ARHGEF7: variants seen among roughly 807,000 people sequenced by gnomAD.
The protein encoded by ARHGEF7 is PAK-interacting exchange factor beta.
Under a neutral mutation model 109.8 loss-of-function variants are expected in ARHGEF7, and 33 were observed. The ratio of observed to expected loss-of-function variants is 0.30; its 90% CI spans 0.23 to 0.40. ARHGEF7 has a LOEUF of 0.40. Ranked by LOEUF, ARHGEF7 falls within the 10% of genes least tolerant of loss-of-function variation. The probability of loss-of-function intolerance (pLI) is 1.00; values close to 1 mark genes in which losing one functional copy is unlikely to be tolerated. For missense variants in ARHGEF7, 938 were observed against 1,098.5 expected (o/e 0.85, Z 2.07); for synonymous variants, 458 against 424.6 (o/e 1.08, Z -0.97).
rs947993582 is a variant in ARHGEF7 at position 111,292,107 on chromosome 13, G to T, written c.2135-11G>T. The T allele has an allele frequency of 6.2e-7, 1 of 1,609,078 alleles. No homozygotes were observed. Among genetic ancestry groups the T allele is most frequent in the Admixed American group, 1.7e-5 (1 of 59,868 alleles). On this transcript the variant is annotated splice_polypyrimidine_tract_variant and intron_variant, in intron 18 of 21. Coordinates refer to ENST00000646102, the MANE Select transcript of ARHGEF7 (RefSeq NM_001354046.2). ...GCCTGTCGCGCCTGTCCCTCCGCCCGCCCGTCTTAGCATGGCAAGGCACTG... is the reference window on the plus strand; with the variant it reads ...GCCTGTCGCGCCTGTCCCTCCGCCCTCCCGTCTTAGCATGGCAAGGCACTG...
At chr13:111,230,079 G>T (rs1310677995) in intron 5 of ARHGEF7, among the ~76,000 whole-genome samples, 1 of 152,158 alleles carries the variant, frequency 6.6e-6, no homozygotes, top group South Asian at 2.1e-4. Context: ...CCTAGTGAGA[G>T]GGTTTCCTCT....
rs184079630 is a variant in ARHGEF7, at chr13:111,304,773, A to C, written c.*1660A>C. On this transcript the variant is annotated 3_prime_UTR_variant, in exon 22 of 22. Coordinates refer to ENST00000646102, the MANE Select transcript of ARHGEF7 (RefSeq NM_001354046.2). The stretch of plus-strand genomic sequence containing the variant: ...GCCCCATGCTGCAGAACCTGGCCTC[A>C]CCTGGACTTTTCACTAGAATTGCCA... 6.6e-6 allele frequency: 1 copy of C among 152,282 alleles called. No individual in the cohort carries two copies. The highest frequency in any genetic ancestry group is 2.4e-5 in the African/African-American group (1 of 41,466). The allele number at this position is 152,282 out of a possible 1,614,324, so 9.4% of individuals were successfully genotyped here. A position where few individuals can be genotyped will look rare whatever the true frequency, so the allele number is the denominator to read the frequency against.
At chr13:111,233,886 T>C (rs2086434482) in intron 6 of ARHGEF7, among the ~76,000 whole-genome samples, 1 of 152,228 alleles carries the variant, frequency 6.6e-6, no homozygotes, top group Non-Finnish European at 1.5e-5. Context: ...ATGTATAGTC[T>C]CATGGTACTA....
At chr13:111,162,331 C>T (rs953175237) in intron 2 of ARHGEF7, among the ~76,000 whole-genome samples, 14 of 152,296 alleles carry the variant, frequency 9.2e-5, no homozygotes, top group Admixed American at 8.5e-4. Flanking sequence ...ACATTTCCTG[C>T]ATTGGACTTT....
In ARHGEF7 at chr13:111,277,589, A is replaced by C; in HGVS notation, c.1422A>C (p.Glu474Asp). 6.3e-7 allele frequency: 1 copy of C among 1,590,874 alleles called. No homozygotes were observed. The highest frequency in any genetic ancestry group is 8.6e-7 in the Non-Finnish European group (1 of 1,160,776). Reference sequence around the variant, plus strand: ...TTGGATTTCTTTTTTTGTATTAGGAAAAGAATGAAAGATATCTTCTACTCT... The same window carrying C: ...TTGGATTTCTTTTTTTGTATTAGGACAAGAATGAAAGATATCTTCTACTCT... The part of the protein sequence containing the change: ...QVLIQCAGSE[E>D]KNERYLLLFP... The change falls in exon 13 of 22, where the codon GAA (glutamate) becomes GAC (aspartate). Residue 474 changes from glutamate (E) to aspartate (D), a missense_variant and splice_region_variant. Glu to Asp is a conservative substitution (Grantham distance 45). Transcript: ENST00000646102.
rs1229524492 is a variant in ARHGEF7 at position 111,153,930 on chromosome 13, G to A, written c.191G>A (p.Ser64Asn). The change falls in exon 2 of 22, where the codon AGC becomes AAC. Residue 64 changes from serine to asparagine, a missense_variant. This residue lies in a region of ARHGEF7 where 165 missense variants were observed against 125.8 expected (regional missense o/e 1.31). Coordinates refer to ENST00000646102, the MANE Select transcript of ARHGEF7 (RefSeq NM_001354046.2). ...GTCTACCCCGAGCCCCGGAGCGAGAGCGAGTGCCTGAGCAACATCCGCGAG... is the reference window on the plus strand; with the variant it reads ...GTCTACCCCGAGCCCCGGAGCGAGAACGAGTGCCTGAGCAACATCCGCGAG... ...EKVYPEPRSE[S>N]ECLSNIREFL... The A allele has an allele frequency of 6.2e-7, 1 of 1,605,706 alleles. No individual in the cohort carries two copies. Among genetic ancestry groups the A allele is most frequent in the East Asian group, 2.3e-5 (1 of 43,590 alleles).
intron 1 of ARHGEF7, among the ~76,000 whole-genome samples, chr13:111,137,380 T>A (rs2153353033): frequency 6.6e-6 from 1 of 152,358 alleles, no homozygotes; most frequent in South Asian, 2.1e-4. Flanking sequence ...AGCCAGATGG[T>A]GTGCATGACC....
At chr13:111,286,285 C>T (rs777554336) in intron 17 of ARHGEF7, 45 bp downstream of exon 17, 3 of 1,491,812 alleles carry the variant, frequency 2.0e-6, no homozygotes, top group East Asian at 4.5e-5. Flanking sequence ...GCCTCCTGGT[C>T]ACGTAGGCCA....
At chr13:111,144,162 A>C (rs2075476222) in intron 1 of ARHGEF7, 1 of 152,218 alleles carries the variant, frequency 6.6e-6, no homozygotes, top group Admixed American at 6.5e-5. Flanking sequence ...GAGGTTTGGT[A>C]CACTTGTATC....
intron 2 of ARHGEF7, among the ~76,000 whole-genome samples, chr13:111,194,648 T>C (rs1279850030): frequency 6.6e-6 from 1 of 152,204 alleles, no homozygotes; most frequent in African/African-American, 2.4e-5. Context: ...GACATGAGGC[T>C]TCTGAACTGG....
chr13:111,171,103 A>C (rs1287334428), intron 2 of ARHGEF7, among the ~76,000 whole-genome samples: 1 of 152,380 alleles, frequency 6.6e-6, no homozygotes, highest in East Asian at 1.9e-4. Flanking sequence ...CTCAAATGAA[A>C]GAACTGGCTT....
At chr13:111,275,713 G>A in intron 12 of ARHGEF7, 35 bp downstream of exon 12, 2 of 1,613,572 alleles carry the variant, frequency 1.2e-6, no homozygotes, top group Non-Finnish European at 1.7e-6. Context: ...CAGGGTTTCT[G>A]TCCCACTCTT....
intron 1 of ARHGEF7, 91 bp downstream of exon 1, chr13:111,115,782 C>T (rs1479453330): frequency 4.2e-6 from 3 of 711,910 alleles, no homozygotes; most frequent in Non-Finnish European, 3.5e-6. Flanking sequence ...CGGCCGCGCT[C>T]GGGAAACCCG....
intron 8 of ARHGEF7, among the ~76,000 whole-genome samples, chr13:111,252,448 C>G (rs959184625): frequency 6.6e-6 from 1 of 152,160 alleles, no homozygotes; most frequent in East Asian, 1.9e-4. Flanking sequence ...GCTTCTCCTT[C>G]CTAGATGTCC....
intron 19 of ARHGEF7, chr13:111,294,563 A>G: frequency 1.0e-6 from 1 of 985,430 alleles, no homozygotes. Flanking sequence ...CAGAAGAATA[A>G]CCTGACCTTT....
rs1326933783 is a variant in ARHGEF7, at chr13:111,305,218, C to T, written c.*2105C>T. 1.3e-5 allele frequency: 2 copies of T among 152,226 alleles called. No individual in the cohort carries two copies. Among genetic ancestry groups the T allele is most frequent in the East Asian group, 1.9e-4 (1 of 5,194 alleles). 9.4% of individuals were successfully genotyped at this position (152,226 alleles called of 1,614,324 possible). Reference sequence around the variant, plus strand: ...CTTTCTGTGGATCCAGTATCTTCCTCGGCTTTTTAGGGAGCAGGAAAAATG... The same window carrying T: ...CTTTCTGTGGATCCAGTATCTTCCTTGGCTTTTTAGGGAGCAGGAAAAATG... On this transcript the variant is annotated 3_prime_UTR_variant, in exon 22 of 22. Transcript: ENST00000646102.
intron 17 of ARHGEF7, 72 bp from the exon 18 acceptor site, chr13:111,288,282 A>G (rs2093112458): frequency 1.3e-5 from 12 of 915,206 alleles, no homozygotes; most frequent in East Asian, 2.5e-5. Context: ...TGATGTCTGC[A>G]TTGCATTCGT....
At chr13:111,175,579 G>A (rs1007039735) in intron 2 of ARHGEF7, among the ~76,000 whole-genome samples, 3 of 152,174 alleles carry the variant, frequency 2.0e-5, no homozygotes, top group South Asian at 2.1e-4. Context: ...GGAAGGACTG[G>A]AGGCCCCAGG....
At chr13:111,202,637 T>C (rs1594665139) in intron 2 of ARHGEF7, among the ~76,000 whole-genome samples, 1 of 152,256 alleles carries the variant, frequency 6.6e-6, no homozygotes. Context: ...GGGAACAATT[T>C]AGTGTGCTAA....
Sources: gnomAD v4.1 joint callset for allele counts (sites outside exome capture counted in the v4.1 genomes callset) on GRCh38, gnomAD v4.1.1 for gene constraint, gnomAD v4.1.1 regional missense constraint, MANE v1.5 for transcripts, NCBI Gene and HGNC (gene_info 2026-07-23, HGNC 2026-07-21) for gene names.